Variants in HSPG2 observed in about 807,000 individuals in gnomAD.
HSPG2 encodes the protein basement membrane-specific heparan sulfate proteoglycan core protein.
Under a neutral mutation model 526.6 loss-of-function variants are expected in HSPG2, and 278 were observed. The observed-to-expected ratio is 0.53, with a 90% CI of 0.48 to 0.58. HSPG2 has a LOEUF of 0.58. HSPG2 is among the 20% of genes least tolerant of loss of function. HSPG2 has a pLI of 0.00. For missense variants in HSPG2, 5,354 were observed against 6,099.5 expected (o/e 0.88, Z 4.07); for synonymous variants, 2,465 against 2,555.4 (o/e 0.96, Z 1.07).
chr1:21,931,001 G>A (rs1351786123), intron 1 of HSPG2, among the ~76,000 whole-genome samples: 2 of 152,176 alleles, frequency 1.3e-5, no homozygotes, highest in Admixed American at 1.3e-4. Context: ...CTAGGAGCTG[G>A]TCCTAAGGCT....
intron 71 of HSPG2, 47 bp downstream of exon 71, chr1:21,841,054 G>C: frequency 6.5e-7 from 1 of 1,546,702 alleles, no homozygotes; most frequent in South Asian, 1.2e-5. Context: ...GCTCAAGGCT[G>C]GGCCATGGAC....
chr1:21,826,606 T>A (rs1256237330), intron 91 of HSPG2, among the ~76,000 whole-genome samples: 4 of 151,802 alleles, frequency 2.6e-5, no homozygotes, highest in African/African-American at 9.7e-5. Context: ...ACCTCCCAGG[T>A]TCAAGCGATT....
chr1:21,863,289 C>T (rs1365273807), intron 37 of HSPG2, among the ~76,000 whole-genome samples: 3 of 150,822 alleles, frequency 2.0e-5, no homozygotes, highest in Admixed American at 1.3e-4. Flanking sequence ...AGGAGAATGG[C>T]GTGAACCCAG....
At chr1:21,897,966 G>A (rs1165082433) in intron 1 of HSPG2, among the ~76,000 whole-genome samples, 1 of 152,194 alleles carries the variant, frequency 6.6e-6, no homozygotes, top group Non-Finnish European at 1.5e-5. Context: ...GGGCTCACAA[G>A]GTTATTGTCT....
At chr1:21,876,167 A>G in intron 23 of HSPG2, 62 bp downstream of exon 23, 1 of 1,569,700 alleles carries the variant, frequency 6.4e-7, no homozygotes, top group Non-Finnish European at 8.7e-7. Flanking sequence ...CCCGCCTCCA[A>G]GCCTTTGCCT....
At chr1:21,923,204 C>T (rs1644091640) in intron 1 of HSPG2, among the ~76,000 whole-genome samples, 2 of 152,076 alleles carry the variant, frequency 1.3e-5, no homozygotes, top group South Asian at 4.1e-4. Flanking sequence ...GTCAGAAGTT[C>T]GAGACCAGCC....
chr1:21,885,159 TGAG>T lies in HSPG2; in HGVS notation c.1211-5_1211-3del. 1.2e-6 allele frequency: 2 copies of T among 1,607,012 alleles called. No individual in the cohort carries two copies. The highest frequency in any genetic ancestry group is 1.1e-5 in the South Asian group (1 of 90,562). ...GAGGTGTCACCACCTGGGGGGGCACTGAGGAGACCAGGGCAGGAGTGAGGGGTC... is the reference window on the plus strand; with the variant it reads ...GAGGTGTCACCACCTGGGGGGGCACTGAGACCAGGGCAGGAGTGAGGGGTC... On this transcript the variant is annotated splice_region_variant and splice_polypyrimidine_tract_variant and intron_variant, in intron 10 of 96. Coordinates refer to ENST00000374695, the MANE Select transcript of HSPG2 (RefSeq NM_005529.7).
At chr1:21,825,111 A>C in intron 91 of HSPG2, 2 of 392,124 alleles carry the variant, frequency 5.1e-6, no homozygotes, top group Non-Finnish European at 9.7e-6. Flanking sequence ...ATATTTCAAA[A>C]TATCATTTAC....
intron 1 of HSPG2, among the ~76,000 whole-genome samples, chr1:21,932,532 G>A (rs188105148): frequency 8.5e-5 from 13 of 152,282 alleles, no homozygotes; most frequent in Admixed American, 4.6e-4. Flanking sequence ...TCCTGCTCTC[G>A]TAGAACTTAA....
intron 38 of HSPG2, 39 bp downstream of exon 38, chr1:21,861,948 AG>A: frequency 6.2e-7 from 1 of 1,614,122 alleles, no homozygotes; most frequent in Non-Finnish European, 8.5e-7. Flanking sequence ...CTCATTCCCC[AG>A]TGGAAGTGTG....
In HSPG2 at chr1:21,858,090, C is replaced by T. The variant is rs575352424; in HGVS notation, c.5294-705G>A. On this transcript the variant is annotated intron_variant, in intron 42 of 96. Coordinates refer to ENST00000374695, the MANE Select transcript of HSPG2 (RefSeq NM_005529.7). The surrounding 1 kb of genome is among the most constrained non-coding windows in gnomAD (Gnocchi z 4.2). ...CGCAGTCAATGACCCACTTCCTGGCCTCCCTTCAGAGCCAAGACTCTTGCA... is the reference window on the plus strand; with the variant it reads ...CGCAGTCAATGACCCACTTCCTGGCTTCCCTTCAGAGCCAAGACTCTTGCA... Among the ~76,000 whole-genome samples, 8 of 152,152 alleles carry T rather than the reference C, an allele frequency of 5.3e-5. No homozygotes were observed. The highest frequency in any genetic ancestry group is 5.9e-5 in the Non-Finnish European group (4 of 68,040).
intron 74 of HSPG2, among the ~76,000 whole-genome samples, chr1:21,838,060 C>T (rs544423395): frequency 3.0e-5 from 4 of 133,978 alleles, no homozygotes; most frequent in Admixed American, 9.0e-5. Context: ...GGCTTGAACT[C>T]GGGAGATGGA....
At chr1:21,841,867 G>C in intron 69 of HSPG2, 135 bp downstream of exon 69, 1 of 1,363,746 alleles carries the variant, frequency 7.3e-7, no homozygotes, top group Non-Finnish European at 1.0e-6. Context: ...GCCATACAGA[G>C]ACGGGAAGGG....
At chr1:21,861,655 T>A (rs1297363474) in intron 39 of HSPG2, 102 bp downstream of exon 39, 5 of 1,078,198 alleles carry the variant, frequency 4.6e-6, no homozygotes, top group African/African-American at 1.6e-5. Flanking sequence ...GGAAGGAGCA[T>A]AATCCTAGAA....
intron 1 of HSPG2, among the ~76,000 whole-genome samples, chr1:21,926,182 C>A (rs1475004143): frequency 2.6e-5 from 4 of 152,148 alleles, no homozygotes; most frequent in Non-Finnish European, 5.9e-5. Flanking sequence ...ATAATGCCAA[C>A]TTCAAAAGAT....
At chr1:21,832,936 G>C (rs1381690350) in intron 80 of HSPG2, 2 of 557,480 alleles carry the variant, frequency 3.6e-6, no homozygotes, top group East Asian at 3.1e-5. Context: ...GAGAGAAAGA[G>C]AGGAGGAAAG....
At chr1:21,929,006 C>T (rs34857065) in intron 1 of HSPG2, among the ~76,000 whole-genome samples, 29,265 of 151,824 alleles carry the variant, frequency 0.19, 3,682 homozygotes, top group East Asian at 0.43. Context: ...GTGATCCGCC[C>T]GCCTTGGCCT....
intron 50 of HSPG2, chr1:21,853,519 G>C: frequency 5.4e-6 from 1 of 186,366 alleles, no homozygotes; most frequent in Non-Finnish European, 1.1e-5. Context: ...TGAGACGGTC[G>C]GATCACGAGG....
intron 33 of HSPG2, among the ~76,000 whole-genome samples, chr1:21,870,049 G>A (rs912080620): frequency 3.9e-5 from 6 of 152,212 alleles, no homozygotes; most frequent in Non-Finnish European, 7.4e-5. Context: ...GTTTCCCAGG[G>A]GAGACACCAG....
Sources: allele counts gnomAD v4.1 joint callset (sites outside exome capture counted in the v4.1 genomes callset), GRCh38; gene constraint gnomAD v4.1.1; non-coding constraint Gnocchi (gnomAD v3.1); transcripts MANE v1.5; gene names NCBI Gene and HGNC (gene_info 2026-07-23, HGNC 2026-07-21).